The following ELMO1 variants were observed in gnomAD, a reference collection of about 807,000 sequenced individuals.
ELMO1 encodes engulfment and cell motility protein 1.
Under a neutral mutation model 98.9 loss-of-function variants are expected in ELMO1, and 26 were observed. The observed-to-expected ratio is 0.26, with a 90% CI of 0.19 to 0.36. ELMO1 has a LOEUF of 0.36. ELMO1 is among the 10% of genes least tolerant of loss of function. ELMO1 has a pLI of 1.00. For missense variants in ELMO1, 627 were observed against 935.2 expected (o/e 0.67, Z 4.30); for synonymous variants, 346 against 346.0 (o/e 1.00, Z 0.00).
intron 15 of ELMO1, among the ~76,000 whole-genome samples, chr7:37,019,639 G>T (rs1052175753): frequency 1.4e-4 from 22 of 152,202 alleles, no homozygotes; most frequent in African/African-American, 5.1e-4. Flanking sequence ...TGTTTTTAAA[G>T]GAAAACAATA....
intron 5 of ELMO1, among the ~76,000 whole-genome samples, chr7:37,264,803 A>AGT (rs201068203): frequency 4.6e-5 from 7 of 152,236 alleles, no homozygotes; most frequent in African/African-American, 1.7e-4. Flanking sequence ...GGGTACTGGT[A>AGT]GTGTGTGTGT....
At chr7:37,332,979 A>C (rs1415081317) in intron 2 of ELMO1, among the ~76,000 whole-genome samples, 1 of 152,206 alleles carries the variant, frequency 6.6e-6, no homozygotes, top group Non-Finnish European at 1.5e-5. Flanking sequence ...AAGCCCACTT[A>C]GGAGGCTGAT....
intron 1 of ELMO1, among the ~76,000 whole-genome samples, chr7:37,391,397 T>A (rs1803071755): frequency 6.6e-6 from 1 of 152,192 alleles, no homozygotes; most frequent in Admixed American, 6.5e-5. Context: ...ATTACAGGCA[T>A]GAGCCACCGC....
rs148454231 is a variant in ELMO1 at position 37,021,660 on chromosome 7, C to T, written c.1301-8225G>A. On this transcript the variant is annotated intron_variant, in intron 15 of 21. Transcript: ENST00000310758. ...TAAAATTCCTCCAGGCCTCTATATC[C>T]CCATTAAAAAAAAAGAAAAGAAAAG... is the stretch of plus-strand genomic sequence containing the variant. Among the ~76,000 whole-genome samples, 756 of 150,854 alleles carry T rather than the reference C, an allele frequency of 5.0e-3. 7 individuals are homozygous for T. The highest frequency in any genetic ancestry group is 0.018 in the African/African-American group (733 of 41,018).
At chr7:36,912,857 A>G (rs1276326401) in intron 16 of ELMO1, among the ~76,000 whole-genome samples, 1 of 152,220 alleles carries the variant, frequency 6.6e-6, no homozygotes, top group Non-Finnish European at 1.5e-5. Flanking sequence ...AAGTGTTGAA[A>G]AGAATTTTTG....
At chr7:37,056,261 C>A (rs758538040) in intron 15 of ELMO1, among the ~76,000 whole-genome samples, 6 of 152,218 alleles carry the variant, frequency 3.9e-5, no homozygotes, top group Non-Finnish European at 8.8e-5. Flanking sequence ...TAAAAAGCAA[C>A]AACAGTTGCA....
intron 1 of ELMO1, among the ~76,000 whole-genome samples, chr7:37,426,874 A>G (rs536633045): frequency 1.3e-5 from 2 of 152,322 alleles, no homozygotes; most frequent in East Asian, 3.9e-4. Context: ...TCCAAGACAC[A>G]TGAAAATGAA....
At chr7:36,864,892 A>G (rs1205360770) in intron 20 of ELMO1, among the ~76,000 whole-genome samples, 1 of 152,146 alleles carries the variant, frequency 6.6e-6, no homozygotes, top group Non-Finnish European at 1.5e-5. Context: ...CCACCTTGTC[A>G]TGTGGAGGAA....
chr7:37,240,978 T>C (rs1206812719), intron 7 of ELMO1, among the ~76,000 whole-genome samples: 2 of 152,176 alleles, frequency 1.3e-5, no homozygotes, highest in African/African-American at 4.8e-5. Context: ...AGGCAAGACC[T>C]TTGATAGTGT....
intron 4 of ELMO1, among the ~76,000 whole-genome samples, chr7:37,304,339 G>C (rs1463353389): frequency 2.6e-5 from 4 of 152,128 alleles, no homozygotes; most frequent in African/African-American, 4.8e-5. Flanking sequence ...AATCTGAGGA[G>C]GGTGTGTGAG....
At chr7:37,278,622 C>T (rs1796979402) in intron 4 of ELMO1, among the ~76,000 whole-genome samples, 1 of 152,162 alleles carries the variant, frequency 6.6e-6, no homozygotes, top group Admixed American at 6.5e-5. Context: ...GAGTTCCAGC[C>T]CACCCTGTGG....
intron 14 of ELMO1, among the ~76,000 whole-genome samples, chr7:37,115,309 A>C (rs1785516651): frequency 6.6e-6 from 1 of 152,190 alleles, no homozygotes; most frequent in South Asian, 2.1e-4. Context: ...AAAAATGCGG[A>C]TCTATATAGC....
chr7:37,365,029 C>A (rs1416987687), intron 1 of ELMO1, among the ~76,000 whole-genome samples: 1 of 152,186 alleles, frequency 6.6e-6, no homozygotes. Flanking sequence ...TCCTCACCCC[C>A]ACACGTTTCC....
intron 4 of ELMO1, among the ~76,000 whole-genome samples, chr7:37,278,994 G>A (rs1796999178): frequency 6.6e-6 from 1 of 152,032 alleles, no homozygotes; most frequent in South Asian, 2.1e-4. Context: ...GAGGTCAGGA[G>A]TTCGAGAGCA....
Position 36,855,318 on chromosome 7 carries a change from C to T in ELMO1, c.*233G>A. On this transcript the variant is annotated 3_prime_UTR_variant, in exon 22 of 22. Coordinates refer to ENST00000310758, the MANE Select transcript of ELMO1 (RefSeq NM_014800.11). The surrounding 1 kb of genome is among the most constrained non-coding windows in gnomAD (Gnocchi z 4.2). ...TTGCTCTTGTCCCACCAGTGGACTGCAGCCATGGGAAGTGACCTGAAGCAG... is the reference window on the plus strand; with the variant it reads ...TTGCTCTTGTCCCACCAGTGGACTGTAGCCATGGGAAGTGACCTGAAGCAG... 1.8e-6 allele frequency: 1 copy of T among 557,650 alleles called. No individual in the cohort carries two copies. The highest frequency in any genetic ancestry group is 3.2e-6 in the Non-Finnish European group (1 of 311,878). The allele number at this position is 557,650 out of a possible 1,614,324, so 34.5% of individuals were successfully genotyped here.
intron 16 of ELMO1, among the ~76,000 whole-genome samples, chr7:36,911,725 AG>A (rs1489016037): frequency 6.6e-6 from 1 of 152,174 alleles, no homozygotes; most frequent in Admixed American, 6.5e-5. Context: ...CCTCTAGTTA[AG>A]ATCACCAAAA....
intron 2 of ELMO1, among the ~76,000 whole-genome samples, chr7:37,320,648 T>C (rs1251073586): frequency 6.6e-6 from 1 of 152,156 alleles, no homozygotes; most frequent in Non-Finnish European, 1.5e-5. Context: ...TACATATCTA[T>C]CTTATCTCTC....
intron 1 of ELMO1, among the ~76,000 whole-genome samples, chr7:37,408,672 GC>G (rs1346127082): frequency 6.6e-6 from 1 of 152,174 alleles, no homozygotes; most frequent in African/African-American, 2.4e-5. Flanking sequence ...AAAGACCCAT[GC>G]TGCATGGTTA....
rs775855984 is a variant in ELMO1 at position 37,213,365 on chromosome 7, C to T, written c.924G>A (p.Arg308=). 3 of 1,612,940 alleles carry T rather than the reference C, an allele frequency of 1.9e-6. No homozygotes were observed. Among genetic ancestry groups the T allele is most frequent in the South Asian group, 1.1e-5 (1 of 91,008 alleles). Residue 308 remains arginine, a synonymous_variant, in exon 12 of 22, where the codon AGG becomes AGA. Coordinates refer to ENST00000310758, the MANE Select transcript of ELMO1 (RefSeq NM_014800.11). ...CCTGGGGGTCCATTTTGGTCATCATCCTGTCTTCCAGGAGGTTAAAGGTGA... is the reference window on the plus strand; with the variant it reads ...CCTGGGGGTCCATTTTGGTCATCATTCTGTCTTCCAGGAGGTTAAAGGTGA... The part of the protein sequence containing the change: ...QVLTFNLLED[R]MMTKMDPQDQ...
Sources: gnomAD v4.1 joint callset for allele counts (sites outside exome capture counted in the v4.1 genomes callset) on GRCh38, gnomAD v4.1.1 for gene constraint, Gnocchi (gnomAD v3.1) non-coding constraint, MANE v1.5 for transcripts, NCBI Gene and HGNC (gene_info 2026-07-23, HGNC 2026-07-21) for gene names.